HYDIN: variants seen among roughly 807,000 people sequenced by gnomAD.
The protein encoded by HYDIN is axonemal central pair apparatus protein HYDIN.
HYDIN carries 132 observed loss-of-function variants against 403.9 expected under a neutral mutation model. The observed-to-expected ratio is 0.33, with a 90% CI of 0.28 to 0.38. The LOEUF is 0.38. HYDIN is among the 10% of genes least tolerant of loss of function. HYDIN has a pLI of 1.00. For missense variants in HYDIN, 2,827 were observed against 5,009.5 expected, an observed-to-expected ratio of 0.56 and a Z score of 13.15; for synonymous variants, 1,202 against 1,891.7, an observed-to-expected ratio of 0.64 and a Z score of 9.46.
intron 75 of HYDIN, among the ~76,000 whole-genome samples, chr16:70,845,837 T>C (rs2038164049): frequency 7.3e-6 from 1 of 136,834 alleles, no homozygotes; most frequent in Non-Finnish European, 1.5e-5. Flanking sequence ...GTAGAGGTGT[T>C]TGTAGTATTC....
At chr16:70,889,961 T>C (rs898020797) in intron 57 of HYDIN, among the ~76,000 whole-genome samples, 3 of 152,254 alleles carry the variant, frequency 2.0e-5, no homozygotes, top group East Asian at 1.9e-4. Flanking sequence ...TGCAAGAAGA[T>C]AGTAAGTTTT....
chr16:70,982,174 T>C (rs2079066778), intron 28 of HYDIN, among the ~76,000 whole-genome samples: 1 of 148,574 alleles, frequency 6.7e-6, no homozygotes, highest in Non-Finnish European at 1.5e-5. Flanking sequence ...CATAAATATA[T>C]AGTAAAATAG....
intron 3 of HYDIN, among the ~76,000 whole-genome samples, chr16:71,181,984 C>T (rs2086925042): frequency 6.6e-6 from 1 of 152,144 alleles, no homozygotes; most frequent in Non-Finnish European, 1.5e-5. Context: ...GAGAAGGCCT[C>T]TCTGAGATGA....
chr16:71,176,331 T>C (rs1375591435), intron 4 of HYDIN, among the ~76,000 whole-genome samples: 1 of 149,726 alleles, frequency 6.7e-6, no homozygotes, highest in Admixed American at 6.6e-5. Flanking sequence ...AAAGTGACTA[T>C]CTTCAAGGGC....
At chr16:71,157,620 G>T (rs916505768) in intron 6 of HYDIN, among the ~76,000 whole-genome samples, 11 of 152,240 alleles carry the variant, frequency 7.2e-5, no homozygotes, top group African/African-American at 2.7e-4. Context: ...TGACTGGTAG[G>T]ACTTGAGGCA....
chr16:71,100,691 G>C (rs569754680), intron 10 of HYDIN, among the ~76,000 whole-genome samples: 120 of 152,290 alleles, frequency 7.9e-4, no homozygotes, highest in Non-Finnish European at 1.4e-3. Flanking sequence ...ATCCACATGG[G>C]ATCTGCGGTA....
chr16:70,867,078 G>T (rs1222189067), intron 66 of HYDIN, among the ~76,000 whole-genome samples: 6 of 145,608 alleles, frequency 4.1e-5, no homozygotes, highest in African/African-American at 1.5e-4. Flanking sequence ...AAGGATATTT[G>T]CAGACAAATA....
intron 47 of HYDIN, among the ~76,000 whole-genome samples, chr16:70,911,332 C>T (rs1193222704): frequency 2.0e-5 from 3 of 150,524 alleles, no homozygotes; most frequent in African/African-American, 2.4e-5. Flanking sequence ...CTACATGTGG[C>T]TAGCCAATTA....
Position 70,833,832 on chromosome 16 carries a change from T to C in HYDIN, c.13679+55A>G, listed in dbSNP as rs567495446. The C allele has an allele frequency of 1.0e-4, 126 of 1,261,386 alleles. No individual in the cohort carries two copies. In the African/African-American group the frequency reaches 1.6e-3, roughly 16 times the overall value. The allele number at this position is 1,261,386 out of a possible 1,614,324, so 78.1% of individuals were successfully genotyped here. ...ACTTGCAGAACAAGTCCAGGGCAGA[T>C]ACAGGGACAGCAGCCTCTGGGGCAG... On this transcript the variant is annotated intron_variant, in intron 79 of 85. Transcript: ENST00000393567.
At chr16:71,175,855 C>A (rs2086650255) in intron 4 of HYDIN, 114 bp from the exon 5 acceptor site, 1 of 980,238 alleles carries the variant, frequency 1.0e-6, no homozygotes, top group Non-Finnish European at 1.6e-6. Context: ...GTCTGAACTT[C>A]AGTCTTCTCA....
intron 8 of HYDIN, among the ~76,000 whole-genome samples, chr16:71,130,539 C>T (rs1274259206): frequency 1.5e-5 from 2 of 130,264 alleles, no homozygotes; most frequent in Non-Finnish European, 3.1e-5. Context: ...GGACTGCGGA[C>T]TGCAGTGGCG....
chr16:70,946,593 A>G (rs1201094959), intron 41 of HYDIN, among the ~76,000 whole-genome samples: 2 of 152,110 alleles, frequency 1.3e-5, no homozygotes, highest in Non-Finnish European at 2.9e-5. Context: ...GTGGCAGACC[A>G]TGGCATCCAG....
intron 7 of HYDIN, among the ~76,000 whole-genome samples, chr16:71,144,118 ACCCC>A (rs1231680892): frequency 6.6e-6 from 1 of 150,638 alleles, no homozygotes; most frequent in Non-Finnish European, 1.5e-5. Context: ...TGAAGAAGAA[ACCCC>A]CTACACTACT....
At chr16:70,933,326 G>T (rs2077404918) in intron 45 of HYDIN, among the ~76,000 whole-genome samples, 1 of 151,188 alleles carries the variant, frequency 6.6e-6, no homozygotes, top group African/African-American at 2.4e-5. Context: ...CTGAAAGAAG[G>T]GTTGGGGAGG....
rs2039756580 is a variant in HYDIN, at chr16:70,866,424, C to T, written c.11311-95G>A. On this transcript the variant is annotated intron_variant, in intron 66 of 85. Transcript: ENST00000393567. ...ATAGAGAGACCAGAAACATTCTAGG[C>T]ATATATAAAATTTAGGTACACTATG... is the stretch of plus-strand genomic sequence containing the variant. 15 of 1,065,300 alleles carry T rather than the reference C, an allele frequency of 1.4e-5. No homozygotes were observed. In the South Asian group the frequency reaches 1.6e-4, roughly 11 times the overall value. The allele number at this position is 1,065,300 out of a possible 1,614,324, so 66.0% of individuals were successfully genotyped here. A position where few individuals can be genotyped will look rare whatever the true frequency, so the allele number is the denominator to read the frequency against.
intron 1 of HYDIN, among the ~76,000 whole-genome samples, chr16:71,223,884 C>A (rs1045892142): frequency 3.3e-5 from 5 of 152,012 alleles, no homozygotes; most frequent in Admixed American, 2.0e-4. Flanking sequence ...GGTGGGAATG[C>A]AAATTAGTAC....
At chr16:71,184,428 A>G (rs2087043939) in intron 3 of HYDIN, among the ~76,000 whole-genome samples, 2 of 152,150 alleles carry the variant, frequency 1.3e-5, no homozygotes, top group Non-Finnish European at 1.5e-5. Context: ...AGACAAAAGG[A>G]TATGTCTGTT....
At position 70,921,448 on chromosome 16, in the gene HYDIN, T is replaced by C. The variant is rs182987626; in HGVS notation, c.7159-231A>G. Reference sequence around the variant, plus strand: ...GAGATCTGGCTGGGTCCTGGCATTGTGCATTTTGGAAAAGGTGCAGAGTGA... The same window carrying C: ...GAGATCTGGCTGGGTCCTGGCATTGCGCATTTTGGAAAAGGTGCAGAGTGA... On this transcript the variant is annotated intron_variant, in intron 45 of 85. Transcript: ENST00000393567. 2.2e-4 allele frequency among the ~76,000 whole-genome samples: 34 copies of C among 152,308 alleles called. 1 individual carries two copies. In the East Asian group the frequency reaches 3.3e-3, roughly 15 times the overall value.
chr16:71,087,913 G>T (rs1287380996), intron 12 of HYDIN: 2 of 156,058 alleles, frequency 1.3e-5, no homozygotes, highest in African/African-American at 2.4e-5. Flanking sequence ...CTTAAAATAA[G>T]AACAAAAGAC....
Sources: allele counts gnomAD v4.1 joint callset (sites outside exome capture counted in the v4.1 genomes callset), GRCh38; gene constraint gnomAD v4.1.1; transcripts MANE v1.5; gene names NCBI Gene and HGNC (gene_info 2026-07-23, HGNC 2026-07-21).